PXDNL: variants seen among roughly 807,000 people sequenced by gnomAD.
PXDNL encodes the protein peroxidasin like.
In PXDNL, 145 loss-of-function variants were observed where a neutral mutation model predicts 150.8. That is an observed-to-expected ratio of 0.96 (90% CI 0.84 to 1.10). The LOEUF is 1.10. Ranked by LOEUF, PXDNL falls within the 50% of genes least tolerant of loss-of-function variation. The probability of loss-of-function intolerance (pLI) is 0.00; values close to 1 mark genes in which losing one functional copy is unlikely to be tolerated. For synonymous variants in PXDNL, 757 were observed against 725.7 expected, an observed-to-expected ratio of 1.04 and a Z score of -0.69; for missense variants, 2,087 against 1,873.9, an observed-to-expected ratio of 1.11 and a Z score of -2.10.
chr8:51,366,251 T>C (rs28709473), intron 19 of PXDNL, among the ~76,000 whole-genome samples: 1,918 of 152,316 alleles, frequency 0.013, 35 homozygotes, highest in African/African-American at 0.044. Context: ...AACTCCTGTG[T>C]CAGCTGAGCC....
At chr8:51,651,979 C>T (rs545555078) in intron 2 of PXDNL, among the ~76,000 whole-genome samples, 2 of 152,242 alleles carry the variant, frequency 1.3e-5, no homozygotes, top group East Asian at 3.9e-4. Flanking sequence ...ATTAAGTAAA[C>T]CTCTTAGCAA....
intron 19 of PXDNL, among the ~76,000 whole-genome samples, chr8:51,348,543 C>G (rs768049237): frequency 6.6e-6 from 1 of 152,038 alleles, no homozygotes; most frequent in Non-Finnish European, 1.5e-5. Flanking sequence ...ATGTTTGGCT[C>G]TTAAGCAAAC....
chr8:51,391,704 T>A (rs1047026822), intron 17 of PXDNL, among the ~76,000 whole-genome samples: 1 of 152,184 alleles, frequency 6.6e-6, no homozygotes, highest in East Asian at 1.9e-4. Context: ...TTCACTCTGA[T>A]GGTAGTTTCT....
At chr8:51,483,107 C>A (rs12544226) in intron 6 of PXDNL, among the ~76,000 whole-genome samples, 30,135 of 152,138 alleles carry the variant, frequency 0.2, 3,251 homozygotes, top group African/African-American at 0.26. Context: ...AGCTGGAATG[C>A]AGGAGGGTGG....
Position 51,730,502 on chromosome 8 carries a change from T to C in PXDNL, c.165-75742A>G, listed in dbSNP as rs866851092. On this transcript the variant is annotated intron_variant, in intron 1 of 22. Coordinates refer to ENST00000356297, the MANE Select transcript of PXDNL (RefSeq NM_144651.5). Reference sequence around the variant, plus strand: ...TGAACAGTTTACCAATTGTCTACTATGTACCATTGATGTGTCTATATGCCA... The same window carrying C: ...TGAACAGTTTACCAATTGTCTACTACGTACCATTGATGTGTCTATATGCCA... 5.3e-4 allele frequency among the ~76,000 whole-genome samples: 80 copies of C among 152,332 alleles called. 1 individual carries two copies. The highest frequency in any genetic ancestry group is 6.8e-3 in the Middle Eastern group (2 of 294).
intron 17 of PXDNL, among the ~76,000 whole-genome samples, chr8:51,405,261 C>A (rs776363970): frequency 4.6e-5 from 7 of 152,204 alleles, no homozygotes; most frequent in Admixed American, 3.3e-4. Flanking sequence ...TCCTCAACAG[C>A]GGCCTGAGTG....
intron 12 of PXDNL, among the ~76,000 whole-genome samples, chr8:51,439,585 G>C (rs933098809): frequency 2.6e-5 from 4 of 152,120 alleles, no homozygotes; most frequent in African/African-American, 9.7e-5. Context: ...AACACTTTGG[G>C]AGGCTGAGGT....
intron 2 of PXDNL, among the ~76,000 whole-genome samples, chr8:51,631,523 A>G (rs1814488512): frequency 6.6e-6 from 1 of 152,158 alleles, no homozygotes; most frequent in Non-Finnish European, 1.5e-5. Context: ...CCTACAAGAA[A>G]TTTTAGAGGG....
At chr8:51,486,062 C>G (rs983596993) in intron 5 of PXDNL, among the ~76,000 whole-genome samples, 5 of 152,134 alleles carry the variant, frequency 3.3e-5, no homozygotes, top group Admixed American at 2.6e-4. Flanking sequence ...ATAAGTGGTG[C>G]AGTTCTGCAA....
chr8:51,592,096 T>C (rs905591049), intron 3 of PXDNL, among the ~76,000 whole-genome samples: 2 of 152,202 alleles, frequency 1.3e-5, no homozygotes, highest in Non-Finnish European at 2.9e-5. Flanking sequence ...GTTTAAAATA[T>C]CTTTATTCCC....
intron 3 of PXDNL, among the ~76,000 whole-genome samples, chr8:51,577,563 T>A (rs1056439134): frequency 3.5e-5 from 5 of 143,602 alleles, no homozygotes; most frequent in South Asian, 2.2e-4. Flanking sequence ...TACATATATT[T>A]TATATATATA....
chr8:51,518,541 T>C (rs1811593378), intron 4 of PXDNL, among the ~76,000 whole-genome samples: 1 of 152,166 alleles, frequency 6.6e-6, no homozygotes. Flanking sequence ...TAATGTAATC[T>C]TGATTTGTGT....
intron 8 of PXDNL, among the ~76,000 whole-genome samples, chr8:51,468,358 A>G (rs1810248998): frequency 6.6e-6 from 1 of 151,982 alleles, no homozygotes; most frequent in South Asian, 2.1e-4. Flanking sequence ...GGTGAATTAC[A>G]TCTTTTATCA....
chr8:51,668,176 CTT>C (rs71550279), intron 1 of PXDNL, among the ~76,000 whole-genome samples: 4 of 77,384 alleles, frequency 5.2e-5, no homozygotes, highest in South Asian at 5.6e-4. Context: ...CTCGCTCTCT[CTT>C]TTTTTTTTTT....
At chr8:51,471,688 T>C (rs1810337700) in intron 8 of PXDNL, among the ~76,000 whole-genome samples, 1 of 151,960 alleles carries the variant, frequency 6.6e-6, no homozygotes, top group Non-Finnish European at 1.5e-5. Context: ...AATTTTTTTT[T>C]TTGGTTTTTT....
chr8:51,683,164 C>CATATATAT (rs71237228), intron 1 of PXDNL, among the ~76,000 whole-genome samples: 7,464 of 44,076 alleles, frequency 0.17, 1,317 homozygotes, highest in Non-Finnish European at 0.19. Flanking sequence ...AATTGTCTTT[C>CATATATAT]ATATATATAT....
intron 1 of PXDNL, among the ~76,000 whole-genome samples, chr8:51,707,659 T>C (rs1396488702): frequency 6.6e-6 from 1 of 152,220 alleles, no homozygotes; most frequent in Non-Finnish European, 1.5e-5. Context: ...TCATACCTAC[T>C]GAGCAACAAA....
At chr8:51,670,235 T>A (rs374724469) in intron 1 of PXDNL, among the ~76,000 whole-genome samples, 1 of 150,632 alleles carries the variant, frequency 6.6e-6, no homozygotes, top group African/African-American at 2.4e-5. Flanking sequence ...AAATTCCGTC[T>A]CACACACACA....
At chr8:51,373,816 A>AT (rs1196693996) in intron 18 of PXDNL, among the ~76,000 whole-genome samples, 2 of 152,202 alleles carry the variant, frequency 1.3e-5, no homozygotes, top group African/African-American at 4.8e-5. Flanking sequence ...TTCACTAATG[A>AT]TTCAGAAGAT....
Sources: gnomAD v4.1 joint callset for allele counts (sites outside exome capture counted in the v4.1 genomes callset) on GRCh38, gnomAD v4.1.1 for gene constraint, MANE v1.5 for transcripts, NCBI Gene and HGNC (gene_info 2026-07-23, HGNC 2026-07-21) for gene names.